Variants in RNMT observed in about 807,000 individuals in gnomAD.
The protein encoded by RNMT is mRNA cap guanine-N(7) methyltransferase.
In RNMT, 27 loss-of-function variants were observed where a neutral mutation model predicts 56.0. The observed-to-expected ratio is 0.48, with a 90% CI of 0.36 to 0.67. RNMT has a LOEUF of 0.67. RNMT is among the 30% of genes least tolerant of loss of function. The probability of loss-of-function intolerance (pLI) is 0.00; values close to 1 mark genes in which losing one functional copy is unlikely to be tolerated. For missense variants in RNMT, 519 were observed against 552.1 expected, an observed-to-expected ratio of 0.94 and a Z score of 0.60; for synonymous variants, 184 against 176.2, an observed-to-expected ratio of 1.04 and a Z score of -0.35.
Position 13,761,575 on chromosome 18 carries a change from G to C in RNMT, c.*1596G>C. 1.0e-6 allele frequency: 1 copy of C among 992,470 alleles called. No homozygotes were observed. The highest frequency in any genetic ancestry group is 4.5e-5 in the South Asian group (1 of 22,162). 61.5% of individuals were successfully genotyped at this position (992,470 alleles called of 1,614,324 possible). Reference sequence around the variant, plus strand: ...TCTTCCACGCCATGGGTAACTTGGGGGAGAGAAGAATCCTCCAAACGATGG... The same window carrying C: ...TCTTCCACGCCATGGGTAACTTGGGCGAGAGAAGAATCCTCCAAACGATGG... On this transcript the variant is annotated 3_prime_UTR_variant, in exon 12 of 12. Transcript: ENST00000383314.
At chr18:13,727,430 C>T (rs1337038902) in intron 1 of RNMT, among the ~76,000 whole-genome samples, 3 of 152,194 alleles carry the variant, frequency 2.0e-5, no homozygotes, top group East Asian at 1.9e-4. Context: ...TTTCATTATT[C>T]CACTTTGAGT....
In RNMT at chr18:13,760,233, C is replaced by T. The variant is rs1035200758; in HGVS notation, c.*254C>T. ...GGTAATGTTCTAAGAATTCCATTTGCCTCTATGATCTTAGCTCATAAAAAT... is the reference window on the plus strand; with the variant it reads ...GGTAATGTTCTAAGAATTCCATTTGTCTCTATGATCTTAGCTCATAAAAAT... On this transcript the variant is annotated 3_prime_UTR_variant, in exon 12 of 12. Coordinates refer to ENST00000383314, the MANE Select transcript of RNMT (RefSeq NM_003799.3). 10 of 1,191,724 alleles carry T rather than the reference C, an allele frequency of 8.4e-6. No homozygotes were observed. Among genetic ancestry groups the T allele is most frequent in the Non-Finnish European group, 1.0e-5 (10 of 960,436 alleles). The allele number at this position is 1,191,724 out of a possible 1,614,324, so 73.8% of individuals were successfully genotyped here.
Position 13,742,632 on chromosome 18 carries a change from C to G in RNMT, c.1119C>G (p.Val373=), listed in dbSNP as rs757434672. 2 of 1,612,954 alleles carry G rather than the reference C, an allele frequency of 1.2e-6. No homozygotes were observed. The highest frequency in any genetic ancestry group is 1.7e-6 in the Non-Finnish European group (2 of 1,179,482). ...TTGTGGATGTTCCTGAATTCTTGGTCTATTTTCCATTGCTAAATGAGTAAG... is the reference window on the plus strand; with the variant it reads ...TTGTGGATGTTCCTGAATTCTTGGTGTATTTTCCATTGCTAAATGAGTAAG... ...EGVVDVPEFL[V]YFPLLNEMAK... The change falls in exon 8 of 12, where the codon GTC becomes GTG. Residue 373 remains valine (V), a synonymous_variant. Transcript: ENST00000383314.
chr18:13,737,136 G>A lies in RNMT; in HGVS notation c.679+1G>A. The A allele has an allele frequency of 6.3e-7, 1 of 1,596,050 alleles. No individual in the cohort carries two copies. Among genetic ancestry groups the A allele is most frequent in the Non-Finnish European group, 8.6e-7 (1 of 1,169,478 alleles). Reference sequence around the variant, plus strand: ...AGAATTAACAAGCTAGTTTGTACTGGTAAGATAAATAATGATATGGGAAAG... The same window carrying A: ...AGAATTAACAAGCTAGTTTGTACTGATAAGATAAATAATGATATGGGAAAG... On this transcript the variant is annotated splice_donor_variant, in intron 5 of 11. Coordinates refer to ENST00000383314, the MANE Select transcript of RNMT (RefSeq NM_003799.3). LOFTEE classifies it high-confidence loss of function.
At chr18:13,747,041 A>C (rs1322539468) in intron 9 of RNMT, among the ~76,000 whole-genome samples, 1 of 152,140 alleles carries the variant, frequency 6.6e-6, no homozygotes, top group Non-Finnish European at 1.5e-5. Context: ...GGACAGACCT[A>C]AAATATTCAG....
At chr18:13,730,088 C>G (rs553435033) in intron 1 of RNMT, among the ~76,000 whole-genome samples, 3 of 152,250 alleles carry the variant, frequency 2.0e-5, no homozygotes, top group South Asian at 2.1e-4. Flanking sequence ...CTGTGCCCAG[C>G]GAAAGCTTAA....
At chr18:13,755,969 A>G (rs905641241) in intron 11 of RNMT, among the ~76,000 whole-genome samples, 1 of 152,220 alleles carries the variant, frequency 6.6e-6, no homozygotes, top group Non-Finnish European at 1.5e-5. Flanking sequence ...CAGTGGCCAA[A>G]TTGCACCTCG....
intron 11 of RNMT, among the ~76,000 whole-genome samples, chr18:13,758,136 A>G (rs971224698): frequency 6.6e-6 from 1 of 152,214 alleles, no homozygotes; most frequent in Non-Finnish European, 1.5e-5. Flanking sequence ...TGTTCCATTT[A>G]TAGAGCATGA....
rs1356096833 is a variant in RNMT at position 13,759,979 on chromosome 18, A to G, written c.1431A>G (p.Ter477TrpextTer5). The stretch of plus-strand genomic sequence containing the variant: ...TGTTTGCCTTTGAGAAACAGCAGTG[A>G]GCACATAGGCAGTAGTCCCAGAGGG... ...YLVFAFEKQQ[*>W] Residue 477 changes from the stop codon to tryptophan (W), a stop_lost, in exon 12 of 12, where the codon TGA (stop) becomes TGG (tryptophan). Transcript: ENST00000383314. 1 of 1,613,232 alleles carries G rather than the reference A, an allele frequency of 6.2e-7. No individual in the cohort carries two copies. Among genetic ancestry groups the G allele is most frequent in the African/African-American group, 1.3e-5 (1 of 74,918 alleles).
intron 5 of RNMT, 82 bp from the exon 6 acceptor site, chr18:13,740,085 G>T: frequency 1.2e-6 from 1 of 834,120 alleles, no homozygotes. Flanking sequence ...TGACTTTTAT[G>T]CCAGAGTTTG....
chr18:13,752,879 A>T (rs2044474514), intron 10 of RNMT, among the ~76,000 whole-genome samples: 1 of 152,234 alleles, frequency 6.6e-6, no homozygotes, highest in African/African-American at 2.4e-5. Flanking sequence ...GAAGTTACAG[A>T]TATTTTCATA....
rs1237762860 is a variant in RNMT, at chr18:13,762,167, A to G, written c.*2188A>G. The G allele has an allele frequency of 6.6e-7, 1 of 1,526,366 alleles. No individual in the cohort carries two copies. 94.6% of individuals were successfully genotyped at this position (1,526,366 alleles called of 1,614,324 possible). A position where few individuals can be genotyped will look rare whatever the true frequency, so the allele number is the denominator to read the frequency against. ...CATGCAGTTTATCCTCTGAGAATGG[A>G]ATTGGAAATGAAGACCTAACCAGCT... is the stretch of plus-strand genomic sequence containing the variant. On this transcript the variant is annotated 3_prime_UTR_variant, in exon 12 of 12. Coordinates refer to ENST00000383314, the MANE Select transcript of RNMT (RefSeq NM_003799.3).
intron 4 of RNMT, among the ~76,000 whole-genome samples, chr18:13,735,302 C>T (rs1223568019): frequency 6.6e-6 from 1 of 151,984 alleles, no homozygotes; most frequent in African/African-American, 2.4e-5. Context: ...TGGGTACTTC[C>T]TACTAGTTTT....
chr18:13,747,396 T>C (rs553939527), intron 9 of RNMT, among the ~76,000 whole-genome samples: 2 of 152,250 alleles, frequency 1.3e-5, no homozygotes, highest in African/African-American at 4.8e-5. Context: ...TTTAAACTTT[T>C]TGTGCTGATG....
chr18:13,762,816 C>A lies in RNMT; in HGVS notation c.*2837C>A. 3.6e-6 allele frequency: 1 copy of A among 280,038 alleles called. No individual in the cohort carries two copies. Among genetic ancestry groups the A allele is most frequent in the Admixed American group, 4.2e-5 (1 of 23,948 alleles). The allele number at this position is 280,038 out of a possible 1,614,324, so 17.3% of individuals were successfully genotyped here. A position where few individuals can be genotyped will look rare whatever the true frequency, so the allele number is the denominator to read the frequency against. On this transcript the variant is annotated 3_prime_UTR_variant, in exon 12 of 12. Coordinates refer to ENST00000383314, the MANE Select transcript of RNMT (RefSeq NM_003799.3). Reference sequence around the variant, plus strand: ...TTCAGCCTGTTTTTTAGCTTAGTGCCATTATGTCATTTTGATTTGTATTCA... The same window carrying A: ...TTCAGCCTGTTTTTTAGCTTAGTGCAATTATGTCATTTTGATTTGTATTCA...
At chr18:13,741,325 A>T (rs1250374725) in intron 6 of RNMT, among the ~76,000 whole-genome samples, 185 bp from the exon 7 acceptor site, 1 of 152,230 alleles carries the variant, frequency 6.6e-6, no homozygotes, top group African/African-American at 2.4e-5. Flanking sequence ...AAATACTGTG[A>T]AAGTGGGAAT....
rs939096168 is a variant in RNMT at position 13,730,615 on chromosome 18, C to T, written c.-171-12C>T. ...GTTTTATTCTTGATTAATCACAATC[C>T]CTTACTAACAGGATGTGTGAACCTA... On this transcript the variant is annotated splice_polypyrimidine_tract_variant and intron_variant, in intron 1 of 11. Transcript: ENST00000383314. The T allele has an allele frequency of 5.3e-5, 8 of 152,092 alleles. No homozygotes were observed. Among genetic ancestry groups the T allele is most frequent in the Non-Finnish European group, 7.3e-5 (5 of 68,028 alleles). The allele number at this position is 152,092 out of a possible 1,614,324, so 9.4% of individuals were successfully genotyped here.
intron 9 of RNMT, among the ~76,000 whole-genome samples, chr18:13,749,823 C>T (rs888671086): frequency 2.7e-5 from 4 of 145,716 alleles, no homozygotes; most frequent in Non-Finnish European, 3.0e-5. Context: ...CCCTTCCCCC[C>T]GACCCTTCTC....
At chr18:13,749,158 C>T (rs1041066246) in intron 9 of RNMT, among the ~76,000 whole-genome samples, 18 of 152,138 alleles carry the variant, frequency 1.2e-4, no homozygotes, top group Non-Finnish European at 4.4e-5. Context: ...TCAAAATGAT[C>T]AGTAGAGAAG....
Sources: allele counts gnomAD v4.1 joint callset (sites outside exome capture counted in the v4.1 genomes callset), GRCh38; gene constraint gnomAD v4.1.1; transcripts MANE v1.5; gene names NCBI Gene and HGNC (gene_info 2026-07-23, HGNC 2026-07-21).